Variants in EIF4G3 observed in about 807,000 individuals in gnomAD.
EIF4G3 encodes the protein eukaryotic translation initiation factor 4 gamma 3.
EIF4G3 carries 34 observed loss-of-function variants against 186.4 expected under a neutral mutation model. The ratio of observed to expected loss-of-function variants is 0.18; its 90% CI spans 0.14 to 0.24. The LOEUF (loss-of-function observed/expected upper bound fraction) is 0.24, where lower values mean the gene tolerates loss of function less well. Ranked by LOEUF, EIF4G3 falls within the 10% of genes least tolerant of loss-of-function variation. The probability of loss-of-function intolerance (pLI) is 1.00; values close to 1 mark genes in which losing one functional copy is unlikely to be tolerated. For missense variants in EIF4G3, 1,536 were observed against 1,948.5 expected (o/e 0.79, Z 3.99); for synonymous variants, 673 against 679.5 (o/e 0.99, Z 0.15).
chr1:20,849,260 T>TGCATCA (rs2072431384), intron 29 of EIF4G3, among the ~76,000 whole-genome samples, 155 bp downstream of exon 29: 1 of 152,106 alleles, frequency 6.6e-6, no homozygotes, highest in Non-Finnish European at 1.5e-5. Context: ...TTGGCAGAAA[T>TGCATCA]GCATCAGCGT....
At chr1:21,148,416 T>C (rs893110767) in intron 2 of EIF4G3, among the ~76,000 whole-genome samples, 1 of 151,574 alleles carries the variant, frequency 6.6e-6, no homozygotes, top group Non-Finnish European at 1.5e-5. Context: ...AAAAATCGAG[T>C]AAACAGCCGG....
At chr1:20,954,753 G>C (rs1037525750) in intron 12 of EIF4G3, among the ~76,000 whole-genome samples, 21 of 152,026 alleles carry the variant, frequency 1.4e-4, no homozygotes, top group African/African-American at 4.6e-4. Flanking sequence ...GGTTCACAGA[G>C]CTTATATTCT....
chr1:21,011,922 C>T (rs1294365984), intron 4 of EIF4G3, among the ~76,000 whole-genome samples: 2 of 152,058 alleles, frequency 1.3e-5, no homozygotes, highest in African/African-American at 4.8e-5. Context: ...TCTTGCAATG[C>T]CATTTTACTT....
At chr1:21,165,899 T>C (rs1468828651) in intron 2 of EIF4G3, among the ~76,000 whole-genome samples, 1 of 151,730 alleles carries the variant, frequency 6.6e-6, no homozygotes, top group Middle Eastern at 3.2e-3. Flanking sequence ...GAAGTCTAAC[T>C]TCCTCTTATT....
intron 3 of EIF4G3, among the ~76,000 whole-genome samples, chr1:21,063,324 G>C (rs2095031699): frequency 6.6e-6 from 1 of 152,052 alleles, no homozygotes; most frequent in Non-Finnish European, 1.5e-5. Context: ...AGAACAACAA[G>C]GGTTCAGATC....
intron 11 of EIF4G3, among the ~76,000 whole-genome samples, chr1:20,972,044 C>T (rs2076002746): frequency 1.3e-5 from 2 of 152,108 alleles, no homozygotes; most frequent in Non-Finnish European, 1.5e-5. Flanking sequence ...AAAAGATCAC[C>T]CATTTTGTCT....
At chr1:20,971,462 A>G (rs945597790) in intron 11 of EIF4G3, among the ~76,000 whole-genome samples, 2 of 152,174 alleles carry the variant, frequency 1.3e-5, no homozygotes, top group Non-Finnish European at 2.9e-5. Flanking sequence ...CTGCATTCTG[A>G]GAGTGTTCTT....
chr1:20,851,503 C>G, intron 27 of EIF4G3, 25 bp from the exon 28 acceptor site: 1 of 1,610,808 alleles, frequency 6.2e-7, no homozygotes. Flanking sequence ...CAACACTTTT[C>G]AAAGGAAAGA....
At chr1:20,907,513 G>C (rs1356745576) in intron 14 of EIF4G3, among the ~76,000 whole-genome samples, 1 of 151,298 alleles carries the variant, frequency 6.6e-6, no homozygotes, top group Non-Finnish European at 1.5e-5. Flanking sequence ...TTAGCATTAG[G>C]TATATCTCCT....
intron 2 of EIF4G3, among the ~76,000 whole-genome samples, chr1:21,127,103 G>A (rs773471451): frequency 5.3e-5 from 8 of 151,874 alleles, no homozygotes; most frequent in Non-Finnish European, 8.8e-5. Context: ...CCACTTCAGC[G>A]CCCTACCCCA....
At chr1:20,814,513 C>T (rs2059954810) in intron 34 of EIF4G3, among the ~76,000 whole-genome samples, 2 of 152,032 alleles carry the variant, frequency 1.3e-5, no homozygotes, top group Non-Finnish European at 2.9e-5. Context: ...ATCATCTACT[C>T]AATCTATGAA....
chr1:21,176,581 G>GCCGCCGCCGCCT (rs1277710024), intron 1 of EIF4G3, 141 bp downstream of exon 1: 1 of 161,326 alleles, frequency 6.2e-6, no homozygotes, highest in Non-Finnish European at 1.3e-5. Context: ...CGCCGCCGCC[G>GCCGCCGCCGCCT]CCGCCGCCGC....
At chr1:20,998,346 C>T (rs569700192) in intron 6 of EIF4G3, among the ~76,000 whole-genome samples, 1 of 151,840 alleles carries the variant, frequency 6.6e-6, no homozygotes, top group Admixed American at 6.6e-5. Context: ...ATGATTAATC[C>T]AAGTGGTATT....
chr1:21,114,989 C>G (rs1572769535), intron 2 of EIF4G3, among the ~76,000 whole-genome samples: 1 of 152,088 alleles, frequency 6.6e-6, no homozygotes. Context: ...ATGGTAAGAC[C>G]CCATCTCTAC....
At chr1:20,909,278 A>G (rs1369518536) in intron 14 of EIF4G3, among the ~76,000 whole-genome samples, 2 of 152,226 alleles carry the variant, frequency 1.3e-5, no homozygotes, top group Non-Finnish European at 2.9e-5. Context: ...TTCTGTGTAG[A>G]CACATGATCT....
chr1:20,930,483 T>C (rs1311928161), intron 14 of EIF4G3, among the ~76,000 whole-genome samples: 1 of 152,210 alleles, frequency 6.6e-6, no homozygotes, highest in Non-Finnish European at 1.5e-5. Flanking sequence ...TTTCTTTGCT[T>C]ACCCATGAAG....
chr1:20,964,124 G>C (rs1477220672), intron 12 of EIF4G3, among the ~76,000 whole-genome samples: 5 of 152,134 alleles, frequency 3.3e-5, no homozygotes, highest in Admixed American at 3.3e-4. Context: ...CAGGAGTTGA[G>C]AGATTTGATA....
rs139783587 is a variant in EIF4G3 at position 20,943,561 on chromosome 1, T to C, written c.824-1231A>G. 8.2e-3 allele frequency among the ~76,000 whole-genome samples: 1,255 copies of C among 152,334 alleles called. 9 individuals are homozygous for C. The highest frequency in any genetic ancestry group is 0.014 in the Middle Eastern group (4 of 294). The stretch of plus-strand genomic sequence containing the variant: ...TCCTTAGCACAATAAACAGGCTCCA[T>C]GGAAAAACATATACTCATGAGTATG... On this transcript the variant is annotated intron_variant, in intron 13 of 36. Transcript: ENST00000602326.
chr1:21,013,805 A>G lies in EIF4G3; in HGVS notation c.-66-10997T>C, dbSNP rs756275944. 7.2e-5 allele frequency among the ~76,000 whole-genome samples: 11 copies of G among 152,350 alleles called. No homozygotes were observed. In the South Asian group the frequency reaches 2.3e-3, roughly 32 times the overall value. On this transcript the variant is annotated intron_variant, in intron 4 of 36. Transcript: ENST00000602326. ...CAGGCTGATACTCCTGATGTTACCC[A>G]TCATGGAATCAGTCCACAAAGATTA...
Sources: allele counts gnomAD v4.1 joint callset (sites outside exome capture counted in the v4.1 genomes callset), GRCh38; gene constraint gnomAD v4.1.1; transcripts MANE v1.5; gene names NCBI Gene and HGNC (gene_info 2026-07-23, HGNC 2026-07-21).